Variants in MEIS2 observed in about 807,000 individuals in gnomAD.
MEIS2 encodes Meis homeobox 2, also known as homeobox protein Meis2.
Under a neutral mutation model 58.6 loss-of-function variants are expected in MEIS2, and 9 were observed. The ratio of observed to expected loss-of-function variants is 0.15; its 90% CI spans 0.09 to 0.27. The LOEUF is 0.27. MEIS2 is among the 10% of genes least tolerant of loss of function. The probability of loss-of-function intolerance (pLI) is 1.00; values close to 1 mark genes in which losing one functional copy is unlikely to be tolerated. For missense variants in MEIS2, 427 were observed against 635.0 expected (o/e 0.67, Z 3.52); for synonymous variants, 221 against 228.4 (o/e 0.97, Z 0.29).
At position 37,036,958 on chromosome 15, in the gene MEIS2, C is replaced by T; in HGVS notation, c.756G>A (p.Gly252=). The change falls in exon 8 of 12, where the codon GGG becomes GGA. Residue 252 remains glycine, a splice_region_variant and synonymous_variant. Transcript: ENST00000561208. ...SQSGDNSSEQ[G]DGLDNSVASP... is the part of the protein sequence containing the mutation. Reference sequence around the variant, plus strand: ...AAGCTACACTGTTGTCTAAACCATCCCCTAGTAGAAAGAAATAAAAATACA... The same window carrying T: ...AAGCTACACTGTTGTCTAAACCATCTCCTAGTAGAAAGAAATAAAAATACA... 6.3e-7 allele frequency: 1 copy of T among 1,596,788 alleles called. No homozygotes were observed. Among genetic ancestry groups the T allele is most frequent in the Non-Finnish European group, 8.5e-7 (1 of 1,174,444 alleles).
intron 7 of MEIS2, among the ~76,000 whole-genome samples, chr15:37,057,805 C>A (rs938434924): frequency 6.6e-6 from 1 of 151,924 alleles, no homozygotes; most frequent in Non-Finnish European, 1.5e-5. Context: ...GAATGACAGA[C>A]GACAGGGTAA....
At chr15:37,025,198 T>C (rs181216640) in intron 8 of MEIS2, among the ~76,000 whole-genome samples, 3 of 152,224 alleles carry the variant, frequency 2.0e-5, no homozygotes, top group Admixed American at 6.5e-5. Flanking sequence ...TTCAATGGAT[T>C]ATATGAAAAC....
chr15:37,030,641 T>C (rs974035298), intron 8 of MEIS2, among the ~76,000 whole-genome samples: 1 of 69,664 alleles, frequency 1.4e-5, no homozygotes, highest in Non-Finnish European at 4.2e-5. Flanking sequence ...CCAGCCTGGA[T>C]ATTATTATTA....
At chr15:37,083,510 A>C (rs931619115) in intron 7 of MEIS2, among the ~76,000 whole-genome samples, 9 of 152,004 alleles carry the variant, frequency 5.9e-5, no homozygotes, top group Admixed American at 1.3e-4. Context: ...AAGTGTAGAT[A>C]ACCAAATTTG....
rs112101181 is a variant in MEIS2, at chr15:36,959,586, T to G, written c.901-9186A>C. Among the ~76,000 whole-genome samples, 3 of 152,086 alleles carry G rather than the reference T, an allele frequency of 2.0e-5. No individual in the cohort carries two copies. The South Asian group carries it at 6.2e-4, about 32-fold the overall frequency. On this transcript the variant is annotated intron_variant, in intron 8 of 11. Transcript: ENST00000561208. ...GAAGTTAGTGGAGGTAAAAGCCAGA[T>G]AGAAAATGAGAAGGAAGATTTAGGA...
chr15:37,000,103 C>A (rs375268725), intron 8 of MEIS2, among the ~76,000 whole-genome samples: 2 of 152,122 alleles, frequency 1.3e-5, no homozygotes, highest in Non-Finnish European at 2.9e-5. Context: ...GCAAATCTGG[C>A]GTGATAGCTA....
intron 8 of MEIS2, among the ~76,000 whole-genome samples, chr15:37,023,911 C>CTTTTTTTTTTTT (rs35244111): frequency 9.8e-6 from 1 of 101,538 alleles, no homozygotes. Flanking sequence ...TTTTCTCTCT[C>CTTTTTTTTTTTT]TTTTTTTTTT....
At chr15:36,898,624 T>C (rs898309281) in intron 9 of MEIS2, 4 of 152,214 alleles carry the variant, frequency 2.6e-5, no homozygotes, top group Non-Finnish European at 5.9e-5. Context: ...TATGTCTTTC[T>C]CTCCAGTTCC....
chr15:37,055,419 T>A (rs2063100466), intron 7 of MEIS2, among the ~76,000 whole-genome samples: 3 of 152,118 alleles, frequency 2.0e-5, no homozygotes. Flanking sequence ...TGTGTGTGTG[T>A]TTTTCCCCCC....
At chr15:36,908,620 C>G (rs1006690433) in intron 9 of MEIS2, among the ~76,000 whole-genome samples, 1 of 152,068 alleles carries the variant, frequency 6.6e-6, no homozygotes, top group African/African-American at 2.4e-5. Flanking sequence ...TTTCTATTTT[C>G]TATTTCCACT....
chr15:36,890,375 A>ATTTTG lies in MEIS2; in HGVS notation c.*1793_*1797dup, dbSNP rs895483614. On this transcript the variant is annotated 3_prime_UTR_variant, in exon 12 of 12. Transcript: ENST00000561208. ...TTTTGAAAATGGCATTATACCGTCC[A>ATTTTG]TTTTGTTTTGTTTTGTTTTCAGAAA... The ATTTTG allele has an allele frequency of 1.3e-5, 2 of 152,126 alleles. No individual in the cohort carries two copies. The highest frequency in any genetic ancestry group is 2.9e-5 in the Non-Finnish European group (2 of 67,988). The allele number at this position is 152,126 out of a possible 1,614,324, so 9.4% of individuals were successfully genotyped here.
At chr15:37,096,464 A>G in intron 2 of MEIS2, 34 bp from the exon 3 acceptor site, 1 of 1,603,534 alleles carries the variant, frequency 6.2e-7, no homozygotes, top group African/African-American at 1.3e-5. Context: ...ACACACACAC[A>G]GAGACGGGGT....
In MEIS2 at chr15:36,895,227, T is replaced by C; in HGVS notation, c.1071A>G (p.Ala357=). The change falls in exon 11 of 12, where the codon GCA becomes GCG. Residue 357 remains alanine, a synonymous_variant. Transcript: ENST00000561208. ...TGGGCTGACCCTCTGGACTATATGC[T>C]GCTCCTTGGCTCACTGAAGGATCAA... ...FLLDPSVSQG[A]AYSPEGQPMG... 1.9e-6 allele frequency: 3 copies of C among 1,614,192 alleles called. No individual in the cohort carries two copies. In the South Asian group the frequency reaches 3.3e-5, roughly 18 times the overall value.
intron 8 of MEIS2, among the ~76,000 whole-genome samples, chr15:37,017,843 T>C (rs1027189073): frequency 2.6e-4 from 40 of 152,280 alleles, no homozygotes; most frequent in Non-Finnish European, 3.2e-4. Context: ...TGGGATTCTA[T>C]GGTGTTTAGG....
rs1265315258 is a variant in MEIS2, at chr15:36,931,976, G to T, written c.977+18348C>A. 3.9e-5 allele frequency among the ~76,000 whole-genome samples: 6 copies of T among 152,168 alleles called. No homozygotes were observed. In the East Asian group the frequency reaches 7.7e-4, roughly 20 times the overall value. On this transcript the variant is annotated intron_variant, in intron 9 of 11. Transcript: ENST00000561208. ...TAAGGTGGTGACAAATCACTGAAAG[G>T]CAGTGCACAAAATCCCTATTAGCAT...
chr15:36,991,459 A>AT (rs11371376), intron 8 of MEIS2, among the ~76,000 whole-genome samples: 82,751 of 151,810 alleles, frequency 0.55, 22,921 homozygotes, highest in Middle Eastern at 0.7. Flanking sequence ...CACCTACATT[A>AT]TTGTAGGTGG....
At chr15:37,042,013 C>CA (rs1399461770) in intron 7 of MEIS2, among the ~76,000 whole-genome samples, 1 of 151,884 alleles carries the variant, frequency 6.6e-6, no homozygotes, top group Non-Finnish European at 1.5e-5. Flanking sequence ...CCTCTCTCTA[C>CA]AAAAAATTAG....
chr15:37,048,789 G>A (rs1228745884), intron 7 of MEIS2, among the ~76,000 whole-genome samples: 1 of 152,082 alleles, frequency 6.6e-6, no homozygotes, highest in Non-Finnish European at 1.5e-5. Flanking sequence ...CCTTTATGAA[G>A]TTTTTAGGAA....
intron 7 of MEIS2, among the ~76,000 whole-genome samples, chr15:37,079,754 G>T (rs1891944362): frequency 6.6e-6 from 1 of 152,144 alleles, no homozygotes. Flanking sequence ...AATAGATGGG[G>T]ACATCAACAG....
Sources: gnomAD v4.1 joint callset for allele counts (sites outside exome capture counted in the v4.1 genomes callset) on GRCh38, gnomAD v4.1.1 for gene constraint, MANE v1.5 for transcripts, NCBI Gene and HGNC (gene_info 2026-07-23, HGNC 2026-07-21) for gene names.